SSBP2: variants seen among roughly 807,000 people sequenced by gnomAD.
SSBP2 encodes single stranded DNA binding protein 2.
In SSBP2, 17 loss-of-function variants were observed where a neutral mutation model predicts 61.8. That is an observed-to-expected ratio of 0.28 (90% CI 0.19 to 0.41). The LOEUF (loss-of-function observed/expected upper bound fraction) is 0.41. Among genes scored for constraint, SSBP2 ranks in the 10% least tolerant of loss-of-function variants. The pLI, the probability that SSBP2 is intolerant of heterozygous loss-of-function variation, is 1.00. For synonymous variants in SSBP2, 139 were observed against 141.3 expected (o/e 0.98, Z 0.12); for missense variants, 310 against 458.7 (o/e 0.68, Z 2.96).
chr5:81,455,779 A>C (rs1443792402), intron 10 of SSBP2, among the ~76,000 whole-genome samples: 1 of 152,208 alleles, frequency 6.6e-6, no homozygotes, highest in African/African-American at 2.4e-5. Flanking sequence ...CAGAATTTGA[A>C]GAACTTATTA....
At chr5:81,508,211 A>C (rs967166999) in intron 5 of SSBP2, among the ~76,000 whole-genome samples, 1 of 152,096 alleles carries the variant, frequency 6.6e-6, no homozygotes, top group African/African-American at 2.4e-5. Flanking sequence ...AAAACTGCCA[A>C]ACTTTTAGTT....
intron 4 of SSBP2, among the ~76,000 whole-genome samples, chr5:81,581,052 G>T (rs1774603618): frequency 6.6e-6 from 1 of 152,116 alleles, no homozygotes; most frequent in South Asian, 2.1e-4. Flanking sequence ...AAAAGTGCAG[G>T]TTTCATAGGT....
chr5:81,680,372 T>C (rs58937248), intron 1 of SSBP2, among the ~76,000 whole-genome samples: 7,839 of 148,420 alleles, frequency 0.053, 412 homozygotes, highest in African/African-American at 0.13. Flanking sequence ...TATATAATTA[T>C]ATATAACATA....
intron 4 of SSBP2, among the ~76,000 whole-genome samples, chr5:81,545,574 CACA>C (rs1327075656): frequency 6.6e-6 from 1 of 152,146 alleles, no homozygotes; most frequent in Admixed American, 6.5e-5. Context: ...GCACAGTATA[CACA>C]ACAACTGAGA....
At chr5:81,559,667 A>G (rs376820954) in intron 4 of SSBP2, among the ~76,000 whole-genome samples, 2 of 152,092 alleles carry the variant, frequency 1.3e-5, no homozygotes, top group Non-Finnish European at 2.9e-5. Context: ...CCTTCTTATA[A>G]AAGTATCATT....
chr5:81,476,607 A>G (rs1037740620), intron 6 of SSBP2, among the ~76,000 whole-genome samples: 1 of 152,146 alleles, frequency 6.6e-6, no homozygotes, highest in Admixed American at 6.5e-5. Flanking sequence ...GATCTATCCC[A>G]CTACTGGTGA....
chr5:81,657,521 G>A (rs1182118896), intron 1 of SSBP2, among the ~76,000 whole-genome samples: 1 of 152,106 alleles, frequency 6.6e-6, no homozygotes, highest in Non-Finnish European at 1.5e-5. Context: ...ACAAAAATAA[G>A]AAGTAACAGA....
At chr5:81,594,055 TAA>T (rs1743427871) in intron 4 of SSBP2, among the ~76,000 whole-genome samples, 1 of 150,948 alleles carries the variant, frequency 6.6e-6, no homozygotes, top group South Asian at 2.1e-4. Context: ...GCAAATTGGA[TAA>T]AGAGTCAACA....
At chr5:81,737,047 C>A (rs1756670113) in intron 1 of SSBP2, among the ~76,000 whole-genome samples, 4 of 152,082 alleles carry the variant, frequency 2.6e-5, no homozygotes, top group Admixed American at 2.0e-4. Context: ...TGTAATCCAT[C>A]CCAAAATCAC....
rs34311488 is a variant in SSBP2 at position 81,493,755 on chromosome 5, C to CAA, written c.373-4448_373-4447dup. Among the ~76,000 whole-genome samples the CAA allele has an allele frequency of 8.7e-4, 121 of 139,430 alleles. 1 individual carries two copies. In the South Asian group the frequency reaches 0.013, roughly 15 times the overall value. 91.5% of individuals were successfully genotyped at this position (139,430 alleles called of 152,430 possible). ...TGGGTGGCAGGGTGAGACTCCATCT[C>CAA]AAAAAAAAAAATAAAATAAAATTGT... On this transcript the variant is annotated intron_variant, in intron 5 of 16. Transcript: ENST00000320672.
chr5:81,428,741 C>T, intron 15 of SSBP2, 58 bp from the exon 16 acceptor site: 5 of 1,273,886 alleles, frequency 3.9e-6, no homozygotes, highest in Admixed American at 1.7e-5. Flanking sequence ...CCCTCTTGCA[C>T]TGTACTGTTT....
intron 6 of SSBP2, among the ~76,000 whole-genome samples, chr5:81,480,902 C>A (rs1246018315): frequency 6.6e-6 from 1 of 152,200 alleles, no homozygotes; most frequent in East Asian, 1.9e-4. Context: ...CCTTTGTTGT[C>A]ATTTCAGCAG....
intron 1 of SSBP2, among the ~76,000 whole-genome samples, chr5:81,700,135 T>A (rs1230645196): frequency 2.0e-5 from 3 of 152,160 alleles, no homozygotes; most frequent in Non-Finnish European, 4.4e-5. Context: ...TGTGAGCCAC[T>A]GTGCCTGGCC....
At chr5:81,457,922 A>G (rs1023334481) in intron 10 of SSBP2, among the ~76,000 whole-genome samples, 5 of 152,162 alleles carry the variant, frequency 3.3e-5, no homozygotes, top group African/African-American at 1.2e-4. Flanking sequence ...TCGGCCTCCC[A>G]AAGTACAGGG....
intron 12 of SSBP2, among the ~76,000 whole-genome samples, chr5:81,445,059 C>G (rs34699788): frequency 0.46 from 66,269 of 145,322 alleles, 18,556 homozygotes; most frequent in African/African-American, 0.8. Context: ...GGAGGCTGAG[C>G]TTGCAGCGAG....
At position 81,668,469 on chromosome 5, in the gene SSBP2, G is replaced by A. The variant is rs531047760; in HGVS notation, c.63-18130C>T. ...TTATCTCAATCCAAAGTAAATTTTC[G>A]TTAAAAAAAGAAACTAAACATAATT... On this transcript the variant is annotated intron_variant, in intron 1 of 16. Coordinates refer to ENST00000320672, the MANE Select transcript of SSBP2 (RefSeq NM_012446.5). Among the ~76,000 whole-genome samples, 12 of 151,700 alleles carry A rather than the reference G, an allele frequency of 7.9e-5. No individual in the cohort carries two copies. In the South Asian group the frequency reaches 1.0e-3, roughly 13 times the overall value.
At chr5:81,580,789 C>T (rs539168082) in intron 4 of SSBP2, among the ~76,000 whole-genome samples, 1 of 150,830 alleles carries the variant, frequency 6.6e-6, no homozygotes, top group Admixed American at 6.6e-5. Flanking sequence ...AAGGCAAGGA[C>T]ATACAATGAC....
intron 6 of SSBP2, among the ~76,000 whole-genome samples, chr5:81,475,561 G>A (rs756692958): frequency 2.0e-5 from 3 of 151,884 alleles, no homozygotes; most frequent in Non-Finnish European, 4.4e-5. Flanking sequence ...CTAATTTCTT[G>A]CCACTTTCAT....
chr5:81,429,007 CA>C (rs112149599), intron 15 of SSBP2, among the ~76,000 whole-genome samples: 17,773 of 144,796 alleles, frequency 0.12, 1,415 homozygotes, highest in African/African-American at 0.27. Flanking sequence ...ACATTCCCAG[CA>C]GGGGCATGAT....
Sources: allele counts gnomAD v4.1 joint callset (sites outside exome capture counted in the v4.1 genomes callset), GRCh38; gene constraint gnomAD v4.1.1; transcripts MANE v1.5; gene names NCBI Gene and HGNC (gene_info 2026-07-23, HGNC 2026-07-21).